The following CDH13 variants were observed in gnomAD, a reference collection of about 807,000 sequenced individuals.
CDH13 encodes cadherin-13.
CDH13 carries 24 observed loss-of-function variants against 63.8 expected under a neutral mutation model. The observed-to-expected ratio is 0.38, with a 90% CI of 0.27 to 0.53. The LOEUF (loss-of-function observed/expected upper bound fraction) is 0.53. CDH13 is among the 20% of genes least tolerant of loss of function. The pLI, the probability that CDH13 is intolerant of heterozygous loss-of-function variation, is 0.85. For missense variants in CDH13, 1,049 were observed against 903.1 expected, an observed-to-expected ratio of 1.16 and a Z score of -2.07; for synonymous variants, 503 against 355.3, an observed-to-expected ratio of 1.42 and a Z score of -4.67.
chr16:83,727,026 T>C (rs1485992575), intron 10 of CDH13, among the ~76,000 whole-genome samples: 1 of 152,204 alleles, frequency 6.6e-6, no homozygotes, highest in Non-Finnish European at 1.5e-5. Context: ...ATTTATGAGA[T>C]ATAATTCACA....
intron 2 of CDH13, among the ~76,000 whole-genome samples, chr16:82,994,108 T>G (rs1228245401): frequency 6.6e-6 from 1 of 152,212 alleles, no homozygotes; most frequent in Non-Finnish European, 1.5e-5. Flanking sequence ...CCCATCTGTT[T>G]GTGGGGAGGG....
intron 10 of CDH13, among the ~76,000 whole-genome samples, chr16:83,681,843 A>G (rs2150876302): frequency 6.6e-6 from 1 of 152,198 alleles, no homozygotes; most frequent in South Asian, 2.1e-4. Context: ...GCGCTGGGCT[A>G]CCCCGGCTTC....
chr16:83,447,260 C>G (rs1482720304), intron 6 of CDH13, among the ~76,000 whole-genome samples: 2 of 151,226 alleles, frequency 1.3e-5, no homozygotes, highest in Admixed American at 1.3e-4. Context: ...ACTAAAAATA[C>G]AAAAATTAGC....
Position 83,539,534 on chromosome 16 carries a change from G to A in CDH13, c.960+52879G>A, listed in dbSNP as rs148137119. 3.2e-3 allele frequency among the ~76,000 whole-genome samples: 493 copies of A among 152,300 alleles called. 3 individuals carry two copies. The highest frequency in any genetic ancestry group is 5.4e-3 in the Non-Finnish European group (364 of 68,026). Reference sequence around the variant, plus strand: ...TGAAAACTTGCAGAAAAGGAAAACCGAAACATTGAAAGAGGGAAAATCTGA... The same window carrying A: ...TGAAAACTTGCAGAAAAGGAAAACCAAAACATTGAAAGAGGGAAAATCTGA... On this transcript the variant is annotated intron_variant, in intron 7 of 13. Transcript: ENST00000567109.
chr16:83,019,864 C>T (rs867854822), intron 2 of CDH13, among the ~76,000 whole-genome samples: 1 of 135,016 alleles, frequency 7.4e-6, no homozygotes, highest in Non-Finnish European at 1.6e-5. Flanking sequence ...ACAATAAAAA[C>T]GATAGTATAT....
intron 5 of CDH13, among the ~76,000 whole-genome samples, chr16:83,295,224 C>G (rs1597686462): frequency 6.6e-6 from 1 of 152,028 alleles, no homozygotes; most frequent in South Asian, 2.1e-4. Context: ...ATATAAAAAT[C>G]AACTCAAAAT....
intron 7 of CDH13, among the ~76,000 whole-genome samples, chr16:83,512,728 A>G (rs2074602600): frequency 2.0e-5 from 3 of 151,804 alleles, no homozygotes; most frequent in African/African-American, 2.4e-5. Flanking sequence ...TGGGGAAGGA[A>G]TATGTTCTAC....
At chr16:83,301,097 T>C (rs931690266) in intron 5 of CDH13, among the ~76,000 whole-genome samples, 3 of 126,660 alleles carry the variant, frequency 2.4e-5, no homozygotes, top group African/African-American at 8.9e-5. Flanking sequence ...AGTGGCACGA[T>C]CTCAGCTCAC....
At chr16:83,624,055 C>A (rs1265816667) in intron 8 of CDH13, among the ~76,000 whole-genome samples, 1 of 152,166 alleles carries the variant, frequency 6.6e-6, no homozygotes, top group African/African-American at 2.4e-5. Flanking sequence ...TCAGGTGCAG[C>A]TGCGTCTAAG....
intron 3 of CDH13, among the ~76,000 whole-genome samples, chr16:83,051,081 C>G (rs1470960852): frequency 2.0e-5 from 3 of 152,152 alleles, no homozygotes; most frequent in African/African-American, 7.2e-5. Context: ...TTCCTGTGAT[C>G]CAATCTGCGT....
chr16:83,019,857 A>G (rs60252673), intron 2 of CDH13, among the ~76,000 whole-genome samples: 26,838 of 147,762 alleles, frequency 0.18, 2,886 homozygotes, highest in South Asian at 0.29. Context: ...AAAAAAAACA[A>G]TAAAAACGAT....
intron 3 of CDH13, among the ~76,000 whole-genome samples, chr16:83,054,403 C>G (rs1353837993): frequency 1.3e-5 from 2 of 152,198 alleles, no homozygotes; most frequent in Admixed American, 1.3e-4. Context: ...ATAAAGCTTA[C>G]TTGCATACAA....
chr16:83,026,516 C>G (rs1036419726), intron 2 of CDH13, among the ~76,000 whole-genome samples: 23 of 151,960 alleles, frequency 1.5e-4, no homozygotes, highest in Admixed American at 4.6e-4. Context: ...ATTGCACTTA[C>G]AAATGTAAAG....
chr16:83,295,207 A>C (rs2089563026), intron 5 of CDH13, among the ~76,000 whole-genome samples: 1 of 152,156 alleles, frequency 6.6e-6, no homozygotes, highest in Non-Finnish European at 1.5e-5. Flanking sequence ...CTCCTATCTG[A>C]CACCATATAT....
intron 11 of CDH13, among the ~76,000 whole-genome samples, chr16:83,778,029 C>G (rs1322854829): frequency 6.6e-6 from 1 of 152,160 alleles, no homozygotes; most frequent in Non-Finnish European, 1.5e-5. Context: ...AGAGGTGCTT[C>G]AAATTATTTT....
intron 4 of CDH13, among the ~76,000 whole-genome samples, chr16:83,140,787 A>G (rs2036497509): frequency 6.6e-6 from 1 of 152,248 alleles, no homozygotes; most frequent in African/African-American, 2.4e-5. Flanking sequence ...AGAGCATGAC[A>G]TAAAATGACT....
intron 1 of CDH13, among the ~76,000 whole-genome samples, chr16:82,744,986 C>A (rs1244381131): frequency 6.6e-6 from 1 of 152,156 alleles, no homozygotes; most frequent in African/African-American, 2.4e-5. Flanking sequence ...AGAGTCAATT[C>A]TTTTCCAGTA....
chr16:82,958,962 G>T (rs886903089), intron 2 of CDH13, among the ~76,000 whole-genome samples: 2 of 152,238 alleles, frequency 1.3e-5, no homozygotes, highest in Admixed American at 1.3e-4. Context: ...AGAGAAGACT[G>T]AAGATCAAAT....
chr16:83,172,355 G>C (rs987661757), intron 4 of CDH13, among the ~76,000 whole-genome samples: 2 of 152,066 alleles, frequency 1.3e-5, no homozygotes, highest in East Asian at 1.9e-4. Context: ...GCCAGGCGTA[G>C]TGGTGCATGC....
Sources: allele counts gnomAD v4.1 joint callset (sites outside exome capture counted in the v4.1 genomes callset), GRCh38; gene constraint gnomAD v4.1.1; transcripts MANE v1.5; gene names NCBI Gene and HGNC (gene_info 2026-07-23, HGNC 2026-07-21).